Variants in UMODL1 observed in about 807,000 individuals in gnomAD.
UMODL1 encodes the protein uromodulin-like 1.
UMODL1 carries 128 observed loss-of-function variants against 136.3 expected under a neutral mutation model. That is an observed-to-expected ratio of 0.94 (90% CI 0.81 to 1.09). The LOEUF is 1.09. Ranked by LOEUF, UMODL1 falls within the 50% of genes least tolerant of loss-of-function variation. The pLI is 0.00. For missense variants in UMODL1, 1,766 were observed against 1,725.6 expected (o/e 1.02, Z -0.41); for synonymous variants, 721 against 720.0 (o/e 1.00, Z -0.02).
In UMODL1 at chr21:42,127,763, G is replaced by T; in HGVS notation, c.3622G>T (p.Asp1208Tyr). 1 of 1,613,874 alleles carries T rather than the reference G, an allele frequency of 6.2e-7. No individual in the cohort carries two copies. The highest frequency in any genetic ancestry group is 8.5e-7 in the Non-Finnish European group (1 of 1,179,974). The change falls in exon 20 of 23, where the codon GAC (aspartate) becomes TAC (tyrosine). Residue 1208 changes from aspartate to tyrosine, a missense_variant. Physicochemically the swap from Asp to Tyr is radical, Grantham distance 160. Transcript: ENST00000408910. ...FKLRIFSFIN[D>Y]SIVYLHCKLR... ...GCTGAGGATCTTTTCCTTTATCAACGACTCCATCGTCTACCTGCACTGCAA... is the reference window on the plus strand; with the variant it reads ...GCTGAGGATCTTTTCCTTTATCAACTACTCCATCGTCTACCTGCACTGCAA...
intron 22 of UMODL1, among the ~76,000 whole-genome samples, chr21:42,139,009 A>C (rs1183655971): frequency 6.6e-6 from 1 of 152,192 alleles, no homozygotes; most frequent in Non-Finnish European, 1.5e-5. Context: ...CTCTACAAAA[A>C]ATACAAAAAT....
rs777834614 is a variant in UMODL1, at chr21:42,088,518, AG to A, written c.790+41del. 2.6e-6 allele frequency: 4 copies of A among 1,558,892 alleles called. No individual in the cohort carries two copies. In the South Asian group the frequency reaches 4.7e-5, roughly 18 times the overall value. ...TCAATCCTCCCTCTGGGGAGGCTGC[AG>A]GGTGGTGCCTGAACAGCCAAAATGC... On this transcript the variant is annotated intron_variant, in intron 5 of 22. Coordinates refer to ENST00000408910, the MANE Select transcript of UMODL1 (RefSeq NM_001004416.3).
chr21:42,074,529 A>G (rs189224051), intron 1 of UMODL1, among the ~76,000 whole-genome samples: 4 of 152,246 alleles, frequency 2.6e-5, no homozygotes, highest in African/African-American at 2.4e-5. Context: ...ATGACCAAAG[A>G]GTCTCGTGGT....
chr21:42,116,500 T>TA (rs1485973008), intron 14 of UMODL1, among the ~76,000 whole-genome samples: 1 of 152,208 alleles, frequency 6.6e-6, no homozygotes, highest in Non-Finnish European at 1.5e-5. Flanking sequence ...AAGACACGGT[T>TA]AGCAGACAGG....
upstream of UMODL1, among the ~76,000 whole-genome samples, chr21:42,070,155 C>T (rs1463000072): frequency 6.6e-6 from 1 of 152,160 alleles, no homozygotes; most frequent in African/African-American, 2.4e-5. Flanking sequence ...GGGAGTTAGG[C>T]GAGAAGGTCC....
chr21:42,127,072 C>T lies in UMODL1; in HGVS notation c.3360C>T (p.Ile1120=), dbSNP rs201309873. Residue 1120 remains isoleucine, a synonymous_variant, in exon 19 of 23, where the codon ATC becomes ATT. Coordinates refer to ENST00000408910, the MANE Select transcript of UMODL1 (RefSeq NM_001004416.3). The stretch of plus-strand genomic sequence containing the variant: ...TTGTTACCGAAATGCAGTTGTTTAT[C>T]GGAGACTCTCCCATACCTCAGAATT... The part of the protein sequence containing the change: ...GNFVTEMQLF[I]GDSPIPQNYS... 1.4e-3 allele frequency: 2,220 copies of T among 1,614,180 alleles called. 4 individuals carry two copies. The highest frequency in any genetic ancestry group is 1.8e-3 in the Non-Finnish European group (2,066 of 1,180,038).
Position 42,123,196 on chromosome 21 carries a change from G to A in UMODL1, c.3147+46G>A. 1 of 1,564,504 alleles carries A rather than the reference G, an allele frequency of 6.4e-7. No individual in the cohort carries two copies. The highest frequency in any genetic ancestry group is 8.7e-7 in the Non-Finnish European group (1 of 1,152,444). On this transcript the variant is annotated intron_variant, in intron 17 of 22. Coordinates refer to ENST00000408910, the MANE Select transcript of UMODL1 (RefSeq NM_001004416.3). This position sits in a 1 kb window ranked among gnomAD's most constrained non-coding sequence, Gnocchi z 4.4. Reference sequence around the variant, plus strand: ...CTCAGGATGTACACTAGGGCGCAAGGGGCTCTAGGTTACATGGGCCTCGAT... The same window carrying A: ...CTCAGGATGTACACTAGGGCGCAAGAGGCTCTAGGTTACATGGGCCTCGAT...
Position 42,122,725 on chromosome 21 carries a change from C to A in UMODL1, c.2828-106C>A. On this transcript the variant is annotated intron_variant, in intron 16 of 22. Coordinates refer to ENST00000408910, the MANE Select transcript of UMODL1 (RefSeq NM_001004416.3). This position sits in a 1 kb window ranked among gnomAD's most constrained non-coding sequence, Gnocchi z 4.3. Reference sequence around the variant, plus strand: ...TGGAACATGCGGTTCCCAGGTGTGGCTGCTGCAGAGTGCAGGGCAGCTCCA... The same window carrying A: ...TGGAACATGCGGTTCCCAGGTGTGGATGCTGCAGAGTGCAGGGCAGCTCCA... 8.5e-7 allele frequency: 1 copy of A among 1,170,436 alleles called. No individual in the cohort carries two copies. Among genetic ancestry groups the A allele is most frequent in the Non-Finnish European group, 1.2e-6 (1 of 853,214 alleles). The allele number at this position is 1,170,436 out of a possible 1,614,324, so 72.5% of individuals were successfully genotyped here. A position where few individuals can be genotyped will look rare whatever the true frequency, so the allele number is the denominator to read the frequency against.
At chr21:42,093,927 C>T (rs1336211210) in intron 6 of UMODL1, 1 of 456,754 alleles carries the variant, frequency 2.2e-6, no homozygotes, top group Non-Finnish European at 4.4e-6. Flanking sequence ...CCACGGCACC[C>T]CACTAAGCTC....
At chr21:42,105,702 G>A (rs1421083836) in intron 9 of UMODL1, among the ~76,000 whole-genome samples, 1 of 152,224 alleles carries the variant, frequency 6.6e-6, no homozygotes, top group Non-Finnish European at 1.5e-5. Flanking sequence ...GGAGCCACAA[G>A]ATAAGACACT....
intron 7 of UMODL1, chr21:42,101,560 G>T: frequency 2.7e-6 from 1 of 370,080 alleles, no homozygotes; most frequent in Non-Finnish European, 5.4e-6. Flanking sequence ...GCCCGCCGAC[G>T]CTTGGGTTGT....
chr21:42,078,696 C>T lies in UMODL1; in HGVS notation c.319+2449C>T, dbSNP rs455574. Among the ~76,000 whole-genome samples the T allele has an allele frequency of 6.2e-3, 478 of 76,734 alleles. 15 individuals carry two copies. Among genetic ancestry groups the T allele is most frequent in the Middle Eastern group, 0.014 (2 of 146 alleles). The allele number at this position is 76,734 out of a possible 152,430, so 50.3% of individuals were successfully genotyped here. ...ACCTCCATCACCAACAGAAACCAGG[C>T]GGGGCCAGCTGACCCCAGAGCAACA... is the stretch of plus-strand genomic sequence containing the variant. On this transcript the variant is annotated intron_variant, in intron 2 of 22. Coordinates refer to ENST00000408910, the MANE Select transcript of UMODL1 (RefSeq NM_001004416.3).
At chr21:42,131,931 C>G (rs147400745) in intron 21 of UMODL1, among the ~76,000 whole-genome samples, 8 of 152,314 alleles carry the variant, frequency 5.3e-5, no homozygotes, top group African/African-American at 1.7e-4. Context: ...AATATGTTCT[C>G]ATTAATAGAT....
Position 42,085,598 on chromosome 21 carries a change from A to C in UMODL1, c.603+186A>C. On this transcript the variant is annotated intron_variant, in intron 4 of 22. Coordinates refer to ENST00000408910, the MANE Select transcript of UMODL1 (RefSeq NM_001004416.3). The surrounding 1 kb of genome is among the most constrained non-coding windows in gnomAD (Gnocchi z 4.5). ...TCAGCTTCAAAGAGGTATGATTTAC[A>C]TGCAACAAAATGCACACAACTGAAG... 1.3e-6 allele frequency: 1 copy of C among 790,620 alleles called. No homozygotes were observed. Among genetic ancestry groups the C allele is most frequent in the Non-Finnish European group, 2.0e-6 (1 of 505,426 alleles). 49.0% of individuals were successfully genotyped at this position (790,620 alleles called of 1,614,324 possible).
intron 20 of UMODL1, among the ~76,000 whole-genome samples, chr21:42,128,663 G>A (rs1012568400): frequency 1.3e-5 from 2 of 152,168 alleles, no homozygotes; most frequent in African/African-American, 2.4e-5. Context: ...GCAGGCTGAG[G>A]GCCACACACG....
chr21:42,095,765 C>T (rs1249754257), intron 6 of UMODL1, among the ~76,000 whole-genome samples: 1 of 152,134 alleles, frequency 6.6e-6, no homozygotes, highest in East Asian at 1.9e-4. Context: ...ACCTACTTGA[C>T]CTTTCTAGGC....
At chr21:42,103,616 G>A (rs998285148) in intron 8 of UMODL1, 1 of 629,728 alleles carries the variant, frequency 1.6e-6, no homozygotes, top group Non-Finnish European at 3.1e-6. Context: ...TCCACAACTG[G>A]GAGCTTGATT....
At chr21:42,084,711 G>A (rs1401499881) in intron 3 of UMODL1, among the ~76,000 whole-genome samples, 1 of 150,782 alleles carries the variant, frequency 6.6e-6, no homozygotes, top group African/African-American at 2.4e-5. Context: ...AGAATGGGAT[G>A]GCCTATACAT....
chr21:42,105,564 GTCC>G (rs2066703359), intron 9 of UMODL1, among the ~76,000 whole-genome samples: 1 of 152,218 alleles, frequency 6.6e-6, no homozygotes, highest in Admixed American at 6.5e-5. Context: ...TCAAGATGAG[GTCC>G]TCCTGCCGTT....
Sources: gnomAD v4.1 joint callset for allele counts (sites outside exome capture counted in the v4.1 genomes callset) on GRCh38, gnomAD v4.1.1 for gene constraint, Gnocchi (gnomAD v3.1) non-coding constraint, MANE v1.5 for transcripts, NCBI Gene and HGNC (gene_info 2026-07-23, HGNC 2026-07-21) for gene names.